The following RMI2 variants were observed in gnomAD, a reference collection of about 807,000 sequenced individuals.
RMI2 encodes the protein recQ-mediated genome instability protein 2.
RMI2 carries 11 observed loss-of-function variants against 8.4 expected under a neutral mutation model. The ratio of observed to expected loss-of-function variants is 1.32; its 90% CI spans 0.83 to 2.18. The LOEUF (loss-of-function observed/expected upper bound fraction) is 2.18, where lower values mean the gene tolerates loss of function less well. Ranked by LOEUF, RMI2 falls within the 30% of genes most tolerant of loss-of-function variation. The pLI, the probability that RMI2 is intolerant of heterozygous loss-of-function variation, is 0.00. For missense variants in RMI2, 253 were observed against 207.5 expected, an observed-to-expected ratio of 1.22 and a Z score of -1.35; for synonymous variants, 105 against 93.8, an observed-to-expected ratio of 1.12 and a Z score of -0.69.
At position 11,350,743 on chromosome 16, in the gene RMI2, A is replaced by G. The variant is rs750220219; in HGVS notation, c.397A>G (p.Ser133Gly). The G allele has an allele frequency of 1.9e-6, 3 of 1,613,558 alleles. No homozygotes were observed. Among genetic ancestry groups the G allele is most frequent in the Non-Finnish European group, 2.5e-6 (3 of 1,179,594 alleles). ...CCTTTCTGATAATCCCATCCATGAA[A>G]GTATGTGGGAACTGGAGGTAGAAGA... ...TDLSDNPIHE[S>G]MWELEVEDLH... Residue 133 changes from serine (S) to glycine (G), a missense_variant, in exon 2 of 2, where the codon AGT (serine) becomes GGT (glycine). Physicochemically the swap from Ser to Gly is moderately conservative, Grantham distance 56. Coordinates refer to ENST00000312499, the MANE Select transcript of RMI2 (RefSeq NM_152308.3).
rs1342652972 is a variant in RMI2 at position 11,351,000 on chromosome 16, T to C, written c.*210T>C. ...AGCCTCTGCTGCCCCTTGCTTTGCCTGTGTTTGCTGATGAAAAGCAGATGC... is the reference window on the plus strand; with the variant it reads ...AGCCTCTGCTGCCCCTTGCTTTGCCCGTGTTTGCTGATGAAAAGCAGATGC... On this transcript the variant is annotated 3_prime_UTR_variant, in exon 2 of 2. Transcript: ENST00000312499. The C allele has an allele frequency of 4.9e-6, 2 of 409,040 alleles. No individual in the cohort carries two copies. Among genetic ancestry groups the C allele is most frequent in the Non-Finnish European group, 4.3e-6 (1 of 230,618 alleles). The allele number at this position is 409,040 out of a possible 1,614,324, so 25.3% of individuals were successfully genotyped here.
At chr16:11,347,899 G>A (rs893752453) in intron 1 of RMI2, among the ~76,000 whole-genome samples, 1 of 152,172 alleles carries the variant, frequency 6.6e-6, no homozygotes, top group Non-Finnish European at 1.5e-5. Context: ...TCATGCCTCA[G>A]CCTCCCGAGT....
intron 1 of RMI2, 47 bp downstream of exon 1, chr16:11,345,813 A>G (rs2070855136): frequency 8.2e-7 from 1 of 1,217,678 alleles, no homozygotes; most frequent in Middle Eastern, 3.0e-4. Flanking sequence ...CTGCCCGCCG[A>G]GAAGTTGCCG....
chr16:11,349,740 A>G lies in RMI2; in HGVS notation c.296-902A>G, dbSNP rs149726924. Among the ~76,000 whole-genome samples, 20 of 152,298 alleles carry G rather than the reference A, an allele frequency of 1.3e-4. No homozygotes were observed. Among genetic ancestry groups the G allele is most frequent in the African/African-American group, 4.6e-4 (19 of 41,574 alleles). On this transcript the variant is annotated intron_variant, in intron 1 of 1. Coordinates refer to ENST00000312499, the MANE Select transcript of RMI2 (RefSeq NM_152308.3). The surrounding 1 kb of genome is among the most constrained non-coding windows in gnomAD (Gnocchi z 4.2). ...AGTCAAAGCCCCAGGCCCCACGTGC[A>G]GTGCAATGAAAGCCTCACGGGGCAG...
In RMI2 at chr16:11,345,657, C is replaced by A; in HGVS notation, c.186C>A (p.Gly62=). ...ACCTGGCGGCCGTGTGGATGCAGGG[C>A]AGGGTAGTGATGGCGGACCGCGGCG... ...PLDLAAVWMQ[G]RVVMADRGEA... The change falls in exon 1 of 2, where the codon GGC becomes GGA. Residue 62 remains glycine, a synonymous_variant. Transcript: ENST00000312499. 1 of 1,270,330 alleles carries A rather than the reference C, an allele frequency of 7.9e-7. No homozygotes were observed. Among genetic ancestry groups the A allele is most frequent in the African/African-American group, 1.5e-5 (1 of 65,902 alleles). 78.7% of individuals were successfully genotyped at this position (1,270,330 alleles called of 1,614,324 possible).
In RMI2 at chr16:11,350,642, G is replaced by A; in HGVS notation, c.296G>A (p.Gly99Glu). ...VPRGRPCLVP[G>E]KYVMVMGVVQ... ...CTATGGGCTTTTCTTCTTTTTCTAG[G>A]AAAGTATGTGATGGTGATGGGAGTG... The change falls in exon 2 of 2, where the codon GGA (glycine) becomes GAA (glutamate). Residue 99 changes from glycine (G) to glutamate (E), a missense_variant and splice_region_variant. Transcript: ENST00000312499. 1 of 1,552,336 alleles carries A rather than the reference G, an allele frequency of 6.4e-7. No individual in the cohort carries two copies. The highest frequency in any genetic ancestry group is 1.2e-5 in the South Asian group (1 of 82,608).
At chr16:11,346,777 A>G (rs11074962) in intron 1 of RMI2, among the ~76,000 whole-genome samples, 2 of 152,010 alleles carry the variant, frequency 1.3e-5, no homozygotes, top group African/African-American at 4.8e-5. Flanking sequence ...TGTTTTATTT[A>G]TTTGAGATAG....
Position 11,351,751 on chromosome 16 carries a change from T to C in RMI2, c.*961T>C, listed in dbSNP as rs1447446804. 3 of 208,118 alleles carry C rather than the reference T, an allele frequency of 1.4e-5. No individual in the cohort carries two copies. Among genetic ancestry groups the C allele is most frequent in the Non-Finnish European group, 2.9e-5 (3 of 102,790 alleles). The allele number at this position is 208,118 out of a possible 1,614,324, so 12.9% of individuals were successfully genotyped here. ...ATTGATATTCTACCTCTAATAAATT[T>C]TTAATAGGCTGTATGAGTTTTTTTT... On this transcript the variant is annotated 3_prime_UTR_variant, in exon 2 of 2. Transcript: ENST00000312499.
At position 11,349,132 on chromosome 16, in the gene RMI2, C is replaced by G. The variant is rs570836609; in HGVS notation, c.296-1510C>G. On this transcript the variant is annotated intron_variant, in intron 1 of 1. Transcript: ENST00000312499. This position sits in a 1 kb window ranked among gnomAD's most constrained non-coding sequence, Gnocchi z 4.2. ...AAGCTCTTCCTGCCCTCAAGCTGCTCTCTGTCTGCAGGAGAATCAGAGAAA... is the reference window on the plus strand; with the variant it reads ...AAGCTCTTCCTGCCCTCAAGCTGCTGTCTGTCTGCAGGAGAATCAGAGAAA... 1.3e-5 allele frequency: 2 copies of G among 152,392 alleles called. No individual in the cohort carries two copies. Among genetic ancestry groups the G allele is most frequent in the Admixed American group, 1.3e-4 (2 of 15,302 alleles). The allele number at this position is 152,392 out of a possible 1,614,324, so 9.4% of individuals were successfully genotyped here. A position where few individuals can be genotyped will look rare whatever the true frequency, so the allele number is the denominator to read the frequency against.
rs1189977628 is a variant in RMI2 at position 11,351,294 on chromosome 16, C to T, written c.*504C>T. On this transcript the variant is annotated 3_prime_UTR_variant, in exon 2 of 2. Coordinates refer to ENST00000312499, the MANE Select transcript of RMI2 (RefSeq NM_152308.3). ...ATCAGCAACTACCATAACCAGTTTGCGAGTCAAATGGCATTTCCTAACGGC... is the reference window on the plus strand; with the variant it reads ...ATCAGCAACTACCATAACCAGTTTGTGAGTCAAATGGCATTTCCTAACGGC... 3.9e-5 allele frequency: 9 copies of T among 232,486 alleles called. No individual in the cohort carries two copies. The highest frequency in any genetic ancestry group is 1.8e-4 in the South Asian group (1 of 5,540). 14.4% of individuals were successfully genotyped at this position (232,486 alleles called of 1,614,324 possible).
chr16:11,345,875 G>C, intron 1 of RMI2, 109 bp downstream of exon 1: 2 of 959,346 alleles, frequency 2.1e-6, no homozygotes, highest in South Asian at 5.4e-5. Flanking sequence ...GGGCGGGTCT[G>C]GCCCTCCTCC....
In RMI2 at chr16:11,345,509, C is replaced by A; in HGVS notation, c.38C>A (p.Ala13Glu). Residue 13 changes from alanine (A) to glutamate (E), a missense_variant, in exon 1 of 2, where the codon GCG becomes GAG. Transcript: ENST00000312499. ...AAADSFSGGP[A>E]GVRLPRSPPL... ...GCGGACTCGTTCTCAGGCGGCCCCG[C>A]GGGGGTGCGGCTTCCGAGGTCGCCG... is the stretch of plus-strand genomic sequence containing the variant. 1 of 1,304,982 alleles carries A rather than the reference C, an allele frequency of 7.7e-7. No homozygotes were observed. Among genetic ancestry groups the A allele is most frequent in the Non-Finnish European group, 9.8e-7 (1 of 1,021,944 alleles). The allele number at this position is 1,304,982 out of a possible 1,614,324, so 80.8% of individuals were successfully genotyped here.
At chr16:11,346,427 T>C (rs925290765) in intron 1 of RMI2, among the ~76,000 whole-genome samples, 1 of 151,938 alleles carries the variant, frequency 6.6e-6, no homozygotes, top group African/African-American at 2.4e-5. Context: ...ACCCGGCTAA[T>C]TTTTGTATTT....
At chr16:11,348,268 C>A (rs2070910919) in intron 1 of RMI2, 1 of 152,244 alleles carries the variant, frequency 6.6e-6, no homozygotes, top group Non-Finnish European at 1.5e-5. Context: ...AAATATTTGT[C>A]TCGCCCTTTA....
At chr16:11,348,146 A>C (rs1005175904) in intron 1 of RMI2, 1 of 152,274 alleles carries the variant, frequency 6.6e-6, no homozygotes, top group African/African-American at 2.4e-5. Context: ...ATCAGTGTTC[A>C]TAAGTTAAGT....
rs763021735 is a variant in RMI2 at position 11,345,688 on chromosome 16, C to T, written c.217C>T (p.Arg73Trp). 3.2e-6 allele frequency: 4 copies of T among 1,269,738 alleles called. No individual in the cohort carries two copies. The African/African-American group carries it at 4.6e-5, about 14-fold the overall frequency. 78.7% of individuals were successfully genotyped at this position (1,269,738 alleles called of 1,614,324 possible). A position where few individuals can be genotyped will look rare whatever the true frequency, so the allele number is the denominator to read the frequency against. ...AGTGATGGCGGACCGCGGCGAGGCT[C>T]GGCTGAGGGACCCGAGCGGGGACTT... ...RVVMADRGEA[R>W]LRDPSGDFSV... The change falls in exon 1 of 2, where the codon CGG (arginine) becomes TGG (tryptophan). Residue 73 changes from arginine to tryptophan, a missense_variant. Coordinates refer to ENST00000312499, the MANE Select transcript of RMI2 (RefSeq NM_152308.3).
intron 1 of RMI2, among the ~76,000 whole-genome samples, chr16:11,346,150 C>G (rs1173945383): frequency 2.6e-5 from 4 of 152,050 alleles, no homozygotes; most frequent in East Asian, 1.9e-4. Flanking sequence ...TCAAATGTGC[C>G]TTTCTCAGGG....
At position 11,350,906 on chromosome 16, in the gene RMI2, A is replaced by C; in HGVS notation, c.*116A>C. The C allele has an allele frequency of 1.1e-6, 1 of 893,564 alleles. No homozygotes were observed. Among genetic ancestry groups the C allele is most frequent in the African/African-American group, 1.7e-5 (1 of 57,458 alleles). The allele number at this position is 893,564 out of a possible 1,614,324, so 55.4% of individuals were successfully genotyped here. ...CGTATTTTTCAAATGCTTCTCAGAG[A>C]GCCTTGCTTTGGTTGACCAAGGAGT... On this transcript the variant is annotated 3_prime_UTR_variant, in exon 2 of 2. Coordinates refer to ENST00000312499, the MANE Select transcript of RMI2 (RefSeq NM_152308.3).
chr16:11,346,571 C>G (rs1032557785), intron 1 of RMI2, among the ~76,000 whole-genome samples: 4 of 152,140 alleles, frequency 2.6e-5, no homozygotes, highest in African/African-American at 9.7e-5. Context: ...TGCTTCCTCT[C>G]TTAAACCACT....
Sources: gnomAD v4.1 joint callset for allele counts (sites outside exome capture counted in the v4.1 genomes callset) on GRCh38, gnomAD v4.1.1 for gene constraint, Gnocchi (gnomAD v3.1) non-coding constraint, MANE v1.5 for transcripts, NCBI Gene and HGNC (gene_info 2026-07-23, HGNC 2026-07-21) for gene names.